TRPM3: variants seen among roughly 807,000 people sequenced by gnomAD.
The protein encoded by TRPM3 is transient receptor potential cation channel subfamily M member 3.
TRPM3 carries 77 observed loss-of-function variants against 181.2 expected under a neutral mutation model. The observed-to-expected ratio is 0.42, with a 90% CI of 0.35 to 0.51. The LOEUF is 0.51. TRPM3 is among the 20% of genes least tolerant of loss of function. TRPM3 has a pLI of 0.01. For missense variants in TRPM3, 1,759 were observed against 2,196.7 expected, an observed-to-expected ratio of 0.80 and a Z score of 3.98; for synonymous variants, 745 against 796.4, an observed-to-expected ratio of 0.94 and a Z score of 1.09.
chr9:71,286,765 T>C (rs1042305893), intron 1 of TRPM3, among the ~76,000 whole-genome samples: 64 of 151,728 alleles, frequency 4.2e-4, no homozygotes, highest in African/African-American at 1.4e-3. Flanking sequence ...AATCTACCCC[T>C]TGTTTGTTGT....
intron 1 of TRPM3, among the ~76,000 whole-genome samples, chr9:71,316,801 T>A (rs1377158207): frequency 1.3e-5 from 2 of 152,144 alleles, no homozygotes; most frequent in Non-Finnish European, 2.9e-5. Flanking sequence ...CCATTAAGAT[T>A]GTGGGAATTA....
At chr9:71,210,513 G>C (rs746411844) in intron 1 of TRPM3, among the ~76,000 whole-genome samples, 3 of 152,014 alleles carry the variant, frequency 2.0e-5, no homozygotes, top group Non-Finnish European at 4.4e-5. Context: ...CACTGCCCTG[G>C]AGCATTTCTC....
At chr9:70,615,333 C>T (rs1189443751) in intron 18 of TRPM3, among the ~76,000 whole-genome samples, 1 of 152,194 alleles carries the variant, frequency 6.6e-6, no homozygotes, top group Non-Finnish European at 1.5e-5. Context: ...GCTGCTCAGG[C>T]GGGGGTTGCA....
rs955650005 is a variant in TRPM3 at position 70,892,169 on chromosome 9, G to A, written c.178-27658C>T. ...TTATTTTAACATTTTGTGCCTTAACGTTTTGGAAGACTATATAGAGAAATT... is the reference window on the plus strand; with the variant it reads ...TTATTTTAACATTTTGTGCCTTAACATTTTGGAAGACTATATAGAGAAATT... On this transcript the variant is annotated intron_variant, in intron 1 of 25. Transcript: ENST00000677713. Among the ~76,000 whole-genome samples, 6 of 152,104 alleles carry A rather than the reference G, an allele frequency of 3.9e-5. No homozygotes were observed. The East Asian group carries it at 9.6e-4, about 24-fold the overall frequency.
At chr9:70,838,961 G>A (rs1200908711) in intron 5 of TRPM3, among the ~76,000 whole-genome samples, 4 of 152,074 alleles carry the variant, frequency 2.6e-5, no homozygotes, top group Non-Finnish European at 5.9e-5. Context: ...TTAGAGAAAG[G>A]CCTGTTTCCA....
At chr9:70,773,142 A>T (rs769625659) in intron 7 of TRPM3, among the ~76,000 whole-genome samples, 20 of 152,120 alleles carry the variant, frequency 1.3e-4, no homozygotes, top group Non-Finnish European at 2.4e-4. Context: ...TCTGGGTGCC[A>T]CTTCCTCTGC....
At position 70,673,733 on chromosome 9, in the gene TRPM3, C is replaced by T. The variant is rs1041023438; in HGVS notation, c.1345+7773G>A. ...CACAATGTCAGGAGTTCAAGACCAGCGTGGCCAACATAGTGAAACCCCATC... is the reference window on the plus strand; with the variant it reads ...CACAATGTCAGGAGTTCAAGACCAGTGTGGCCAACATAGTGAAACCCCATC... On this transcript the variant is annotated intron_variant, in intron 9 of 25. Transcript: ENST00000677713. Among the ~76,000 whole-genome samples the T allele has an allele frequency of 4.6e-5, 7 of 151,762 alleles. No individual in the cohort carries two copies. In the South Asian group the frequency reaches 6.3e-4, roughly 14 times the overall value.
chr9:71,401,604 T>C (rs1242158520), intron 1 of TRPM3, among the ~76,000 whole-genome samples: 2 of 152,212 alleles, frequency 1.3e-5, no homozygotes, highest in South Asian at 2.1e-4. Context: ...CATTGCATGT[T>C]CTAGAACAAA....
chr9:70,535,813 A>T lies in TRPM3; in HGVS notation c.*140T>A. 6.7e-7 allele frequency: 1 copy of T among 1,500,440 alleles called. No homozygotes were observed. The highest frequency in any genetic ancestry group is 8.8e-7 in the Non-Finnish European group (1 of 1,133,128). 92.9% of individuals were successfully genotyped at this position (1,500,440 alleles called of 1,614,324 possible). A position where few individuals can be genotyped will look rare whatever the true frequency, so the allele number is the denominator to read the frequency against. On this transcript the variant is annotated 3_prime_UTR_variant, in exon 26 of 26. Coordinates refer to ENST00000677713, the MANE Select transcript of TRPM3 (RefSeq NM_001366145.2). ...ATCTGTGGCCCAGAAGTCACCTTTG[A>T]GTTAACACCTCCCAAAGCATTGCTT...
chr9:71,118,592 G>A (rs1001129224), intron 1 of TRPM3, among the ~76,000 whole-genome samples: 2 of 152,028 alleles, frequency 1.3e-5, no homozygotes, highest in Non-Finnish European at 2.9e-5. Context: ...ATCTAATCAA[G>A]CCATCAGGAC....
At chr9:71,319,292 A>T (rs1351796323) in intron 1 of TRPM3, among the ~76,000 whole-genome samples, 1 of 152,152 alleles carries the variant, frequency 6.6e-6, no homozygotes, top group Non-Finnish European at 1.5e-5. Context: ...GAAGTTCCAT[A>T]GTCTGCTGTC....
intron 1 of TRPM3, among the ~76,000 whole-genome samples, chr9:71,285,871 T>C (rs1227378220): frequency 1.3e-5 from 2 of 152,154 alleles, no homozygotes; most frequent in Admixed American, 1.3e-4. Flanking sequence ...ATTAATCCAT[T>C]ATGCGCTGTA....
At chr9:71,322,007 C>T (rs1371784336) in intron 1 of TRPM3, among the ~76,000 whole-genome samples, 1 of 152,076 alleles carries the variant, frequency 6.6e-6, no homozygotes, top group Non-Finnish European at 1.5e-5. Flanking sequence ...GTAGCAAATA[C>T]ACAGAAGTAA....
At chr9:71,185,044 C>A (rs373429023) in intron 1 of TRPM3, among the ~76,000 whole-genome samples, 1 of 152,118 alleles carries the variant, frequency 6.6e-6, no homozygotes, top group East Asian at 1.9e-4. Flanking sequence ...AGCAGGCATG[C>A]ACGCACATGC....
intron 22 of TRPM3, among the ~76,000 whole-genome samples, chr9:70,569,321 A>G (rs2051541867): frequency 6.6e-6 from 1 of 152,228 alleles, no homozygotes; most frequent in Non-Finnish European, 1.5e-5. Context: ...CTTGACTGAT[A>G]GCTTTATTTA....
chr9:71,153,176 A>G (rs964572935), intron 1 of TRPM3, among the ~76,000 whole-genome samples: 2 of 152,144 alleles, frequency 1.3e-5, no homozygotes, highest in Non-Finnish European at 2.9e-5. Context: ...TATCAGTAAC[A>G]GTACTTGTCA....
chr9:71,232,059 C>T (rs535564281), intron 1 of TRPM3, among the ~76,000 whole-genome samples: 6 of 152,170 alleles, frequency 3.9e-5, no homozygotes, highest in Non-Finnish European at 8.8e-5. Context: ...ATTAAAGATG[C>T]CTTCTAGTTA....
intron 1 of TRPM3, among the ~76,000 whole-genome samples, chr9:71,226,373 T>C (rs1256057713): frequency 3.3e-5 from 5 of 151,892 alleles, no homozygotes; most frequent in South Asian, 2.1e-4. Context: ...AACTCTCCAA[T>C]TGAAAGACAT....
chr9:71,203,936 A>C (rs561667636), intron 1 of TRPM3, among the ~76,000 whole-genome samples: 1 of 152,292 alleles, frequency 6.6e-6, no homozygotes, highest in Non-Finnish European at 1.5e-5. Context: ...ATCTTTGACA[A>C]ACCTGACAAA....
Sources: allele counts gnomAD v4.1 joint callset (sites outside exome capture counted in the v4.1 genomes callset), GRCh38; gene constraint gnomAD v4.1.1; transcripts MANE v1.5; gene names NCBI Gene and HGNC (gene_info 2026-07-23, HGNC 2026-07-21).